ENOX1: variants seen among roughly 807,000 people sequenced by gnomAD.
ENOX1 encodes the protein candidate growth-related and time keeping constitutive hydroquinone (NADH) oxidase.
In ENOX1, 42 loss-of-function variants were observed where a neutral mutation model predicts 82.5. The observed-to-expected ratio is 0.51, with a 90% CI of 0.40 to 0.66. The LOEUF (loss-of-function observed/expected upper bound fraction) is 0.66. Among genes scored for constraint, ENOX1 ranks in the 30% least tolerant of loss-of-function variants. The probability of loss-of-function intolerance (pLI) is 0.00; values close to 1 mark genes in which losing one functional copy is unlikely to be tolerated. For missense variants in ENOX1, 608 were observed against 811.6 expected, an observed-to-expected ratio of 0.75 and a Z score of 3.05; for synonymous variants, 271 against 282.2, an observed-to-expected ratio of 0.96 and a Z score of 0.40.
At chr13:43,355,820 T>C in intron 8 of ENOX1, 99 bp downstream of exon 8, 1 of 1,171,438 alleles carries the variant, frequency 8.5e-7, no homozygotes, top group South Asian at 1.4e-5. Context: ...ATAGCAGACA[T>C]TGTGCTGAAG....
chr13:43,594,564 G>T (rs1014122438), intron 2 of ENOX1, among the ~76,000 whole-genome samples: 1 of 152,158 alleles, frequency 6.6e-6, no homozygotes, highest in African/African-American at 2.4e-5. Context: ...TTTATATATA[G>T]GTGGTTAGGA....
chr13:43,776,134 C>T (rs1326327387), intron 1 of ENOX1, among the ~76,000 whole-genome samples: 1 of 152,056 alleles, frequency 6.6e-6, no homozygotes, highest in Non-Finnish European at 1.5e-5. Context: ...AACTGAAAGC[C>T]AACATACATT....
At chr13:43,612,868 TC>T (rs1449761046) in intron 2 of ENOX1, among the ~76,000 whole-genome samples, 2 of 10,066 alleles carry the variant, frequency 2.0e-4, no homozygotes, top group Non-Finnish European at 3.9e-3. Flanking sequence ...ACTCACTTCA[TC>T]ATATCAACAA....
intron 12 of ENOX1, among the ~76,000 whole-genome samples, chr13:43,283,070 G>C (rs1222200374): frequency 6.7e-6 from 1 of 149,068 alleles, no homozygotes; most frequent in Admixed American, 6.8e-5. Context: ...GTGACAGAGC[G>C]AGACTCGGTC....
At chr13:43,536,805 C>G (rs1039311745) in intron 2 of ENOX1, among the ~76,000 whole-genome samples, 1 of 152,156 alleles carries the variant, frequency 6.6e-6, no homozygotes, top group African/African-American at 2.4e-5. Context: ...TGGGGCAGTC[C>G]TAGTGGTATA....
intron 2 of ENOX1, among the ~76,000 whole-genome samples, chr13:43,559,479 A>G (rs966256772): frequency 6.6e-6 from 1 of 152,186 alleles, no homozygotes; most frequent in Non-Finnish European, 1.5e-5. Flanking sequence ...ATGGAGCCCA[A>G]TTCCCAAATT....
chr13:43,477,183 TA>T (rs1566327677), intron 3 of ENOX1, among the ~76,000 whole-genome samples: 1 of 150,556 alleles, frequency 6.6e-6, no homozygotes, highest in Non-Finnish European at 1.5e-5. Flanking sequence ...ATATATATAG[TA>T]TACACACATA....
chr13:43,293,660 C>CT, intron 12 of ENOX1, among the ~76,000 whole-genome samples: 1 of 152,310 alleles, frequency 6.6e-6, no homozygotes, highest in African/African-American at 2.4e-5. Flanking sequence ...AACGTACTTA[C>CT]TAAGCAACTA....
At chr13:43,302,440 C>T (rs769557858) in intron 11 of ENOX1, among the ~76,000 whole-genome samples, 6 of 152,084 alleles carry the variant, frequency 3.9e-5, no homozygotes, top group Non-Finnish European at 7.4e-5. Context: ...TCACCCATTT[C>T]TAGTTACTCA....
chr13:43,613,490 G>A (rs1594097503), intron 2 of ENOX1, among the ~76,000 whole-genome samples: 1 of 151,778 alleles, frequency 6.6e-6, no homozygotes, highest in Non-Finnish European at 1.5e-5. Flanking sequence ...GGTCAATCAA[G>A]GACACTAAGA....
At chr13:43,604,280 A>G (rs1416855788) in intron 2 of ENOX1, among the ~76,000 whole-genome samples, 1 of 151,856 alleles carries the variant, frequency 6.6e-6, no homozygotes, top group African/African-American at 2.4e-5. Flanking sequence ...GATTCTGGAT[A>G]TTAGCCCTTT....
intron 3 of ENOX1, among the ~76,000 whole-genome samples, chr13:43,426,666 G>A (rs1332762951): frequency 3.3e-5 from 5 of 152,090 alleles, no homozygotes; most frequent in Non-Finnish European, 7.4e-5. Context: ...TCTGAAGTGA[G>A]GGCATTTGAG....
chr13:43,524,640 G>A (rs752341851), intron 2 of ENOX1, among the ~76,000 whole-genome samples: 15 of 152,000 alleles, frequency 9.9e-5, no homozygotes, highest in Non-Finnish European at 2.1e-4. Flanking sequence ...CAGTTTCTGG[G>A]CCTTTGTACA....
At chr13:43,373,906 A>T (rs1424387580) in intron 5 of ENOX1, among the ~76,000 whole-genome samples, 4 of 152,206 alleles carry the variant, frequency 2.6e-5, no homozygotes, top group Admixed American at 6.5e-5. Flanking sequence ...TTCCTTAATG[A>T]CTTGTTTGGA....
chr13:43,729,251 G>A (rs1245905735), intron 1 of ENOX1, among the ~76,000 whole-genome samples: 2 of 152,122 alleles, frequency 1.3e-5, no homozygotes, highest in Non-Finnish European at 2.9e-5. Context: ...AGCTAAATAA[G>A]TATCTATTTA....
At chr13:43,464,020 C>A (rs935756150) in intron 3 of ENOX1, among the ~76,000 whole-genome samples, 3 of 152,112 alleles carry the variant, frequency 2.0e-5, no homozygotes, top group Non-Finnish European at 2.9e-5. Flanking sequence ...CTTACAGGCA[C>A]ACACACAGGC....
intron 2 of ENOX1, among the ~76,000 whole-genome samples, chr13:43,583,792 G>A (rs903445387): frequency 6.6e-6 from 1 of 151,058 alleles, no homozygotes; most frequent in Admixed American, 6.6e-5. Flanking sequence ...TTGTGTAAAG[G>A]CTCTACATCT....
At chr13:43,510,387 C>T (rs911582939) in intron 2 of ENOX1, among the ~76,000 whole-genome samples, 2 of 152,164 alleles carry the variant, frequency 1.3e-5, no homozygotes, top group South Asian at 2.1e-4. Flanking sequence ...CTACTGTATT[C>T]AATCATTTAG....
At chr13:43,575,316 C>G (rs2080371600) in intron 2 of ENOX1, among the ~76,000 whole-genome samples, 2 of 152,176 alleles carry the variant, frequency 1.3e-5, no homozygotes, top group African/African-American at 4.8e-5. Context: ...CAAACAGTAC[C>G]TGCTTCCCAA....
Sources: allele counts gnomAD v4.1 joint callset (sites outside exome capture counted in the v4.1 genomes callset), GRCh38; gene constraint gnomAD v4.1.1; transcripts MANE v1.5; gene names NCBI Gene and HGNC (gene_info 2026-07-23, HGNC 2026-07-21).